Variants in LRTM1 observed in about 807,000 individuals in gnomAD.
LRTM1 encodes leucine-rich repeat and transmembrane domain-containing protein 1.
In LRTM1, 38 loss-of-function variants were observed where a neutral mutation model predicts 32.4. The ratio of observed to expected loss-of-function variants is 1.17; its 90% confidence interval spans 0.91 to 1.54. The LOEUF is 1.54. Among genes scored for constraint, LRTM1 ranks in the 40% most tolerant of loss-of-function variants. The pLI is 0.00. For synonymous variants in LRTM1, 186 were observed against 169.9 expected, an observed-to-expected ratio of 1.09 and a Z score of -0.74; for missense variants, 466 against 415.4, an observed-to-expected ratio of 1.12 and a Z score of -1.06.
chr3:54,962,705 C>A lies in LRTM1; in HGVS notation c.-222+4223G>T, dbSNP rs961184347. On this transcript the variant is annotated intron_variant, in intron 1 of 2. Coordinates refer to the LRTM1 transcript ENST00000493075. ...CAAAACAACTCCTGATTGGAATTCA[C>A]TGATGGTGGCAGGATTGTTTTTCTG... 2.0e-5 allele frequency among the ~76,000 whole-genome samples: 3 copies of A among 152,254 alleles called. No homozygotes were observed. In the East Asian group the frequency reaches 5.8e-4, roughly 29 times the overall value.
In LRTM1 at chr3:54,957,870, A is replaced by G. The variant is rs772698362; in HGVS notation, c.-222+9058T>C. ...CCCCTGTAGATTTTTCCAAAGCACA[A>G]ATCTATTTGTGTCTCACATCCTTCC... On this transcript the variant is annotated intron_variant, in intron 1 of 2. Transcript: ENST00000493075. Among the ~76,000 whole-genome samples the G allele has an allele frequency of 7.9e-5, 12 of 152,252 alleles. 1 individual carries two copies. The highest frequency in any genetic ancestry group is 2.6e-4 in the Admixed American group (4 of 15,298).
At chr3:54,948,699 A>G (rs1471446828) in intron 1 of LRTM1, among the ~76,000 whole-genome samples, 1 of 152,212 alleles carries the variant, frequency 6.6e-6, no homozygotes, top group African/African-American at 2.4e-5. Flanking sequence ...TTTGCCTTTC[A>G]TGCCCATGCT....
chr3:54,928,931 T>C (rs1482238898), upstream of LRTM1, among the ~76,000 whole-genome samples: 1 of 152,150 alleles, frequency 6.6e-6, no homozygotes, highest in Non-Finnish European at 1.5e-5. Flanking sequence ...TGGAACCGTT[T>C]CTTTGAATGT....
At chr3:54,961,095 G>A (rs1702021150) in intron 1 of LRTM1, among the ~76,000 whole-genome samples, 1 of 152,170 alleles carries the variant, frequency 6.6e-6, no homozygotes, top group African/African-American at 2.4e-5. Flanking sequence ...TTAAACAAAC[G>A]TGGCTTGGGT....
At chr3:54,951,045 T>G (rs1373691848) in intron 1 of LRTM1, among the ~76,000 whole-genome samples, 1 of 152,210 alleles carries the variant, frequency 6.6e-6, no homozygotes, top group East Asian at 1.9e-4. Context: ...ATGAAATTCA[T>G]AGAAAATGTA....
At chr3:54,936,899 A>G (rs1181987717) in intron 1 of LRTM1, among the ~76,000 whole-genome samples, 6 of 152,138 alleles carry the variant, frequency 3.9e-5, no homozygotes, top group Admixed American at 3.3e-4. Context: ...CTGAGGAGAA[A>G]ATAAACTCCG....
At chr3:54,959,196 A>G (rs1701975558) in intron 1 of LRTM1, among the ~76,000 whole-genome samples, 1 of 152,196 alleles carries the variant, frequency 6.6e-6, no homozygotes, top group South Asian at 2.1e-4. Context: ...ACAAGGTACC[A>G]GTTGGGCCAA....
At chr3:54,920,924 C>A (rs2106930030) in intron 2 of LRTM1, among the ~76,000 whole-genome samples, 1 of 152,242 alleles carries the variant, frequency 6.6e-6, no homozygotes, top group Non-Finnish European at 1.5e-5. Flanking sequence ...GACCCAGAGC[C>A]AAGGAAATAC....
chr3:54,924,768 G>A lies in LRTM1; in HGVS notation c.455C>T (p.Ala152Val), dbSNP rs149325578. Residue 152 changes from alanine (A) to valine (V), a missense_variant, in exon 2 of 3, where the codon GCG (alanine) becomes GTG (valine). Physicochemically the swap from Ala to Val is moderately conservative, Grantham distance 64 (BLOSUM62 0). Transcript: ENST00000273286. ...CTGCTGAAGCTGGTTTTGTTGAACC[G>A]CAAGTATAGTTAGGTTCTCCCAAGT... is the stretch of plus-strand genomic sequence containing the variant. ...GETWENLTIL[A>V]VQQNQLQQLD... 12 of 1,613,972 alleles carry A rather than the reference G, an allele frequency of 7.4e-6. No individual in the cohort carries two copies. The highest frequency in any genetic ancestry group is 1.6e-4 in the Middle Eastern group (1 of 6,084).
At chr3:54,944,821 G>T in intron 1 of LRTM1, among the ~76,000 whole-genome samples, 1 of 105,760 alleles carries the variant, frequency 9.5e-6, no homozygotes, top group Admixed American at 8.6e-5. Context: ...GGGGGTGTGT[G>T]TGTGTGTGTG....
At chr3:54,923,107 A>G (rs1361208576) in intron 2 of LRTM1, among the ~76,000 whole-genome samples, 1 of 152,096 alleles carries the variant, frequency 6.6e-6, no homozygotes, top group Non-Finnish European at 1.5e-5. Context: ...AGTTCTCCCA[A>G]GAGTCTACAG....
intron 1 of LRTM1, among the ~76,000 whole-genome samples, chr3:54,937,700 C>G (rs1298738187): frequency 6.6e-6 from 1 of 152,080 alleles, no homozygotes; most frequent in East Asian, 1.9e-4. Context: ...ATCTGAAGTA[C>G]TAGCCAGAAT....
intron 1 of LRTM1, among the ~76,000 whole-genome samples, chr3:54,933,220 G>A (rs890257552): frequency 2.0e-5 from 3 of 152,124 alleles, no homozygotes; most frequent in African/African-American, 7.2e-5. Flanking sequence ...CATTAATCAT[G>A]TATTTAATGC....
At chr3:54,962,756 A>G (rs1372081924) in intron 1 of LRTM1, among the ~76,000 whole-genome samples, 1 of 152,172 alleles carries the variant, frequency 6.6e-6, no homozygotes, top group Non-Finnish European at 1.5e-5. Context: ...CTCTATGTGT[A>G]TGTGAATATA....
At position 54,918,612 on chromosome 3, in the gene LRTM1, C is replaced by G. The variant is rs146117666; in HGVS notation, c.885G>C (p.Val295=). The G allele has an allele frequency of 1.6e-4, 252 of 1,614,166 alleles. 1 individual carries two copies. The African/African-American group carries it at 3.0e-3, about 19-fold the overall frequency. Reference sequence around the variant, plus strand: ...ACATCATGAGACACACAATCCCACACACAACGCCAGTGATGATGACAGTGG... The same window carrying G: ...ACATCATGAGACACACAATCCCACAGACAACGCCAGTGATGATGACAGTGG... The part of the protein sequence containing the change: ...AIATVIITGV[V]CGIVCLMMLA... The change falls in exon 3 of 3, where the codon GTG becomes GTC. Residue 295 remains valine, a synonymous_variant. Transcript: ENST00000273286.
At chr3:54,935,921 C>T (rs1488505162) in intron 1 of LRTM1, among the ~76,000 whole-genome samples, 2 of 152,178 alleles carry the variant, frequency 1.3e-5, no homozygotes, top group Non-Finnish European at 2.9e-5. Flanking sequence ...ACACATCCTG[C>T]ACTTCAGGAA....
At chr3:54,938,528 C>T (rs1000323717) in intron 1 of LRTM1, among the ~76,000 whole-genome samples, 14 of 152,054 alleles carry the variant, frequency 9.2e-5, no homozygotes, top group Non-Finnish European at 1.5e-5. Flanking sequence ...CCAAATGCCC[C>T]TAAAGTATAT....
intron 2 of LRTM1, among the ~76,000 whole-genome samples, chr3:54,921,925 A>T (rs1167795392): frequency 2.0e-5 from 3 of 148,922 alleles, no homozygotes; most frequent in African/African-American, 7.3e-5. Flanking sequence ...TTTTTAAAAG[A>T]AGATCTTGAC....
chr3:54,925,285 T>G, intron 1 of LRTM1, 70 bp from the exon 2 acceptor site: 2 of 1,298,906 alleles, frequency 1.5e-6, no homozygotes, highest in Middle Eastern at 2.0e-4. Context: ...TTTTCCGCCT[T>G]TGAATTTACA....
Sources: gnomAD v4.1 joint callset for allele counts (sites outside exome capture counted in the v4.1 genomes callset) on GRCh38, gnomAD v4.1.1 for gene constraint, MANE v1.5 for transcripts, NCBI Gene and HGNC (gene_info 2026-07-23, HGNC 2026-07-21) for gene names.